KCNJ10: variants seen among roughly 807,000 people sequenced by gnomAD.
KCNJ10 encodes the protein potassium inwardly rectifying channel subfamily J member 10.
A neutral mutation model predicts 22.2 loss-of-function variants in KCNJ10; 9 were observed. The ratio of observed to expected loss-of-function variants is 0.40; its 90% confidence interval spans 0.24 to 0.71. The LOEUF is 0.71. Among genes scored for constraint, KCNJ10 ranks in the 30% least tolerant of loss-of-function variants. KCNJ10 has a pLI of 0.35. For missense variants in KCNJ10, 337 were observed against 482.7 expected (o/e 0.70, Z 2.83); for synonymous variants, 184 against 187.3 (o/e 0.98, Z 0.15).
intron 1 of KCNJ10, among the ~76,000 whole-genome samples, chr1:160,066,552 T>A (rs549777964): frequency 6.6e-6 from 1 of 152,128 alleles, no homozygotes; most frequent in Non-Finnish European, 1.5e-5. Context: ...CTTACGGTAG[T>A]CACTGTGCAT....
intron 1 of KCNJ10, among the ~76,000 whole-genome samples, chr1:160,047,058 C>G (rs551426140): frequency 6.6e-6 from 1 of 152,338 alleles, no homozygotes; most frequent in East Asian, 1.9e-4. Flanking sequence ...GTTCCCTCAG[C>G]AAGTACCACT....
chr1:160,068,704 T>C (rs80282959), intron 1 of KCNJ10, among the ~76,000 whole-genome samples: 1 of 152,128 alleles, frequency 6.6e-6, no homozygotes, highest in Admixed American at 6.5e-5. Context: ...CCAGAGAAAT[T>C]TACAAGCCCT....
chr1:160,042,148 T>A lies in KCNJ10; in HGVS notation c.385A>T (p.Ile129Phe), dbSNP rs751625111. Residue 129 changes from isoleucine to phenylalanine, a missense_variant, in exon 2 of 2, where the codon ATT (isoleucine) becomes TTT (phenylalanine). By Grantham distance (21) the Ile-to-Phe change is conservative. Coordinates refer to ENST00000644903, the MANE Select transcript of KCNJ10 (RefSeq NM_002241.5). ...CTGATGTAGCGGAAGCCATAGCCAATGGTGGTTTGGGATTCAAGGGAGAAG... is the reference window on the plus strand; with the variant it reads ...CTGATGTAGCGGAAGCCATAGCCAAAGGTGGTTTGGGATTCAAGGGAGAAG... ...FLFSLESQTT[I>F]GYGFRYISEE... 6.3e-7 allele frequency: 1 copy of A among 1,584,476 alleles called. No homozygotes were observed. The highest frequency in any genetic ancestry group is 1.4e-5 in the African/African-American group (1 of 74,058).
At chr1:160,045,119 G>A (rs1308507737) in intron 1 of KCNJ10, among the ~76,000 whole-genome samples, 14 of 152,296 alleles carry the variant, frequency 9.2e-5, no homozygotes, top group African/African-American at 3.4e-4. Flanking sequence ...TTTTTGACAA[G>A]ATCTCTCATT....
chr1:160,041,801 A>C lies in KCNJ10; in HGVS notation c.732T>G (p.Ser244=), dbSNP rs761696279. Residue 244 remains serine (S), a synonymous_variant, in exon 2 of 2, where the codon TCT becomes TCG. Coordinates refer to ENST00000644903, the MANE Select transcript of KCNJ10 (RefSeq NM_002241.5). This position sits in a 1 kb window ranked among gnomAD's most constrained non-coding sequence, Gnocchi z 4.4. ...GGGGTAGAATAAGGAAGGGGCTGTCAGAGGCTGTGTCTACTTGGAAAGTCA... is the reference window on the plus strand; with the variant it reads ...GGGGTAGAATAAGGAAGGGGCTGTCCGAGGCTGTGTCTACTTGGAAAGTCA... The part of the protein sequence containing the change: ...VNVTFQVDTA[S]DSPFLILPLT... 1 of 1,614,234 alleles carries C rather than the reference A, an allele frequency of 6.2e-7. No individual in the cohort carries two copies. Among genetic ancestry groups the C allele is most frequent in the East Asian group, 2.2e-5 (1 of 44,882 alleles).
At chr1:160,051,325 G>A (rs1019880993) in intron 1 of KCNJ10, among the ~76,000 whole-genome samples, 2 of 152,126 alleles carry the variant, frequency 1.3e-5, no homozygotes, top group African/African-American at 4.8e-5. Context: ...TGGAAGGAGA[G>A]ATGGAGGGGA....
Position 160,042,552 on chromosome 1 carries a change from A to C in KCNJ10, c.1-20T>G, listed in dbSNP as rs752563712. The C allele has an allele frequency of 3.8e-5, 61 of 1,610,288 alleles. No individual in the cohort carries two copies. The highest frequency in any genetic ancestry group is 5.1e-5 in the Non-Finnish European group (60 of 1,177,396). The stretch of plus-strand genomic sequence containing the variant: ...CGTCATCTGGAGGGAGCAAGACAGC[A>C]TAATGGAGGTTATCGTAGAAATCCA... On this transcript the variant is annotated intron_variant, in intron 1 of 1. Transcript: ENST00000644903.
At chr1:160,046,419 C>T (rs1168946964) in intron 1 of KCNJ10, among the ~76,000 whole-genome samples, 1 of 152,168 alleles carries the variant, frequency 6.6e-6, no homozygotes, top group Admixed American at 6.5e-5. Flanking sequence ...TTAATTGTAG[C>T]AACTGCTTTT....
chr1:160,059,911 C>G (rs1649146571), intron 1 of KCNJ10, among the ~76,000 whole-genome samples: 1 of 152,190 alleles, frequency 6.6e-6, no homozygotes, highest in Middle Eastern at 3.2e-3. Context: ...CAAAATTTAC[C>G]TGTTGCTATC....
intron 1 of KCNJ10, among the ~76,000 whole-genome samples, chr1:160,049,609 A>C (rs1264188411): frequency 6.9e-6 from 1 of 145,776 alleles, no homozygotes; most frequent in Admixed American, 7.1e-5. Flanking sequence ...CTCTTAGTAC[A>C]TGGTGTATCA....
chr1:160,053,367 CT>C (rs1206800918), intron 1 of KCNJ10, among the ~76,000 whole-genome samples: 1 of 152,046 alleles, frequency 6.6e-6, no homozygotes, highest in African/African-American at 2.4e-5. Context: ...TCCAAGTGTT[CT>C]TAATGAGGGT....
chr1:160,053,431 G>T (rs1648951076), intron 1 of KCNJ10, among the ~76,000 whole-genome samples: 1 of 152,210 alleles, frequency 6.6e-6, no homozygotes, highest in Non-Finnish European at 1.5e-5. Flanking sequence ...AGGAAGAAAA[G>T]CACTGCATGG....
chr1:160,066,794 C>A (rs1011608327), intron 1 of KCNJ10, among the ~76,000 whole-genome samples: 1 of 152,196 alleles, frequency 6.6e-6, no homozygotes, highest in Non-Finnish European at 1.5e-5. Context: ...AGCTCCATCA[C>A]TCCTCTCGGA....
At position 160,039,845 on chromosome 1, in the gene KCNJ10, C is replaced by G. The variant is rs1462481342; in HGVS notation, c.*1548G>C. 1 of 152,190 alleles carries G rather than the reference C, an allele frequency of 6.6e-6. No homozygotes were observed. Among genetic ancestry groups the G allele is most frequent in the Admixed American group, 6.5e-5 (1 of 15,280 alleles). 9.4% of individuals were successfully genotyped at this position (152,190 alleles called of 1,614,324 possible). A position where few individuals can be genotyped will look rare whatever the true frequency, so the allele number is the denominator to read the frequency against. On this transcript the variant is annotated 3_prime_UTR_variant, in exon 2 of 2. Transcript: ENST00000644903. ...ATGCAGTACCACTATGTGAGGCTTC[C>G]TTGGTACCAAAGTGAGACCAGAAAG...
At chr1:160,052,091 A>G (rs367559583) in intron 1 of KCNJ10, among the ~76,000 whole-genome samples, 1 of 152,244 alleles carries the variant, frequency 6.6e-6, no homozygotes, top group African/African-American at 2.4e-5. Context: ...ATTAATAGAG[A>G]TATTCTAAGC....
intron 1 of KCNJ10, among the ~76,000 whole-genome samples, chr1:160,054,011 A>C (rs1648965726): frequency 6.6e-6 from 1 of 151,994 alleles, no homozygotes; most frequent in Non-Finnish European, 1.5e-5. Flanking sequence ...CTCAATCCCC[A>C]AGCGGTGCCT....
intron 1 of KCNJ10, among the ~76,000 whole-genome samples, chr1:160,055,247 G>A (rs1649000408): frequency 6.6e-6 from 1 of 152,174 alleles, no homozygotes; most frequent in Admixed American, 6.5e-5. Flanking sequence ...CAAAACACTT[G>A]TATAAATTCA....
intron 1 of KCNJ10, among the ~76,000 whole-genome samples, chr1:160,052,846 C>A (rs1648935486): frequency 6.6e-6 from 1 of 152,174 alleles, no homozygotes; most frequent in Non-Finnish European, 1.5e-5. Context: ...ACTAGTATGT[C>A]AGGAGGCACT....
intron 1 of KCNJ10, among the ~76,000 whole-genome samples, chr1:160,065,253 G>A (rs1350347137): frequency 1.3e-5 from 2 of 152,176 alleles, no homozygotes; most frequent in Non-Finnish European, 2.9e-5. Flanking sequence ...GCTGCAGGAT[G>A]CTCACATAAA....
Sources: gnomAD v4.1 joint callset for allele counts (sites outside exome capture counted in the v4.1 genomes callset) on GRCh38, gnomAD v4.1.1 for gene constraint, Gnocchi (gnomAD v3.1) non-coding constraint, MANE v1.5 for transcripts, NCBI Gene and HGNC (gene_info 2026-07-23, HGNC 2026-07-21) for gene names.